The following LRRC51 variants were observed in gnomAD, a reference collection of about 807,000 sequenced individuals.
LRRC51 encodes leucine-rich repeat-containing protein 51.
A neutral mutation model predicts 17.8 loss-of-function variants in LRRC51; 8 were observed. The observed-to-expected ratio is 0.45, with a 90% confidence interval of 0.26 to 0.81. LRRC51 has a LOEUF of 0.81. Ranked by LOEUF, LRRC51 falls within the 30% of genes least tolerant of loss-of-function variation. The pLI, the probability that LRRC51 is intolerant of heterozygous loss-of-function variation, is 0.17. For missense variants in LRRC51, 233 were observed against 239.3 expected, an observed-to-expected ratio of 0.97 and a Z score of 0.17; for synonymous variants, 92 against 96.0, an observed-to-expected ratio of 0.96 and a Z score of 0.24.
At chr11:72,084,659 A>G (rs1001077058) in intron 1 of LRRC51, among the ~76,000 whole-genome samples, 1 of 152,034 alleles carries the variant, frequency 6.6e-6, no homozygotes, top group Admixed American at 6.6e-5. Context: ...CAACATGGCA[A>G]AACTGTGTCT....
Position 72,096,473 on chromosome 11 carries a change from G to A in LRRC51, c.*953G>A, listed in dbSNP as rs927025233. ...GGCTGGTCTCAAACTCCTGACCTCA[G>A]GTGATCTGCCCACCTCAGCCTCCCA... On this transcript the variant is annotated 3_prime_UTR_variant, in exon 6 of 6. Coordinates refer to ENST00000289488, the MANE Select transcript of LRRC51 (RefSeq NM_145309.6). 2.9e-5 allele frequency: 32 copies of A among 1,099,176 alleles called. No individual in the cohort carries two copies. Among genetic ancestry groups the A allele is most frequent in the Non-Finnish European group, 3.5e-5 (31 of 890,062 alleles). 68.1% of individuals were successfully genotyped at this position (1,099,176 alleles called of 1,614,324 possible).
rs886048627 is a variant in LRRC51 at position 72,093,512 on chromosome 11, G to A, written c.99G>A (p.Glu33=). 6.2e-6 allele frequency: 10 copies of A among 1,613,222 alleles called. No homozygotes were observed. The highest frequency in any genetic ancestry group is 1.7e-4 in the Middle Eastern group (1 of 5,980). ...IHVIQDLVNE[E]PRTGLRPLKR... Reference sequence around the variant, plus strand: ...TCCCCACAGATCTGGTAAATGAGGAGCCAAGGACAGGACTACGACCACTGA... The same window carrying A: ...TCCCCACAGATCTGGTAAATGAGGAACCAAGGACAGGACTACGACCACTGA... The change falls in exon 4 of 6, where the codon GAG becomes GAA. Residue 33 remains glutamate, a synonymous_variant. Coordinates refer to ENST00000289488, the MANE Select transcript of LRRC51 (RefSeq NM_145309.6).
chr11:72,092,044 G>C (rs1001279266), intron 3 of LRRC51, among the ~76,000 whole-genome samples: 8 of 152,106 alleles, frequency 5.3e-5, no homozygotes, highest in Non-Finnish European at 7.4e-5. Context: ...TTTACTCCCT[G>C]AACATCTTTA....
chr11:72,081,797 A>AT (rs535295667), intron 1 of LRRC51, among the ~76,000 whole-genome samples: 24 of 151,942 alleles, frequency 1.6e-4, no homozygotes, highest in African/African-American at 3.9e-4. Context: ...TTAGAGCTTC[A>AT]TTTTTTTTAG....
rs1268259928 is a variant in LRRC51 at position 72,095,633 on chromosome 11, T to G, written c.*113T>G. 4 of 1,547,680 alleles carry G rather than the reference T, an allele frequency of 2.6e-6. No individual in the cohort carries two copies. The highest frequency in any genetic ancestry group is 3.5e-6 in the Non-Finnish European group (4 of 1,145,516). On this transcript the variant is annotated 3_prime_UTR_variant, in exon 6 of 6. Transcript: ENST00000289488. ...AGTCACTTACACCTTGTAGAGATGT[T>G]CTCTAACTCAGGCAACTGCAAGTAG...
At chr11:72,092,414 A>G (rs1272955934) in intron 3 of LRRC51, among the ~76,000 whole-genome samples, 1 of 152,192 alleles carries the variant, frequency 6.6e-6, no homozygotes, top group Non-Finnish European at 1.5e-5. Flanking sequence ...AATTATGTTG[A>G]TTGTAGGGCC....
At chr11:72,091,136 T>C (rs914374468) in intron 3 of LRRC51, among the ~76,000 whole-genome samples, 15 of 152,196 alleles carry the variant, frequency 9.9e-5, no homozygotes, top group Non-Finnish European at 1.9e-4. Context: ...CCAGCCAGCA[T>C]CAAGTTTTAG....
intron 1 of LRRC51, among the ~76,000 whole-genome samples, chr11:72,084,931 G>C (rs1322539602): frequency 7.7e-6 from 1 of 129,862 alleles, no homozygotes; most frequent in African/African-American, 2.9e-5. Flanking sequence ...ATACATTCTA[G>C]GTTATATTCC....
chr11:72,080,936 T>G (rs761141933), intron 1 of LRRC51, 51 bp downstream of exon 1: 3 of 152,372 alleles, frequency 2.0e-5, no homozygotes, highest in Non-Finnish European at 4.4e-5. Flanking sequence ...AAGAGATCTA[T>G]GGAGAAGGGA....
At chr11:72,095,243 C>A in intron 5 of LRRC51, 136 bp from the exon 6 acceptor site, 3 of 1,571,392 alleles carry the variant, frequency 1.9e-6, no homozygotes, top group South Asian at 1.2e-5. Context: ...TGCTCTCAGT[C>A]AGGATAAACC....
intron 1 of LRRC51, among the ~76,000 whole-genome samples, chr11:72,082,796 G>A (rs1431217625): frequency 1.3e-5 from 2 of 151,872 alleles, no homozygotes; most frequent in African/African-American, 4.8e-5. Flanking sequence ...AGCCATATTT[G>A]CGCACTGCAA....
intron 1 of LRRC51, chr11:72,086,467 A>C: frequency 1.4e-6 from 1 of 702,330 alleles, no homozygotes; most frequent in Non-Finnish European, 2.6e-6. Context: ...TGTTAGAAAG[A>C]ACAGCTTAGC....
At chr11:72,084,905 T>A (rs1944447389) in intron 1 of LRRC51, among the ~76,000 whole-genome samples, 2 of 71,564 alleles carry the variant, frequency 2.8e-5, no homozygotes, top group African/African-American at 1.1e-4. Flanking sequence ...TGTGTGTGTG[T>A]AAAACCTTAT....
rs1012173309 is a variant in LRRC51, at chr11:72,094,982, A to G, written c.323A>G (p.Tyr108Cys). ...LTTFFNLSVL[Y>C]LHGNSIQRLG... Reference sequence around the variant, plus strand: ...ACTTTCTTCAACCTGAGTGTCCTCTATCTTCACGGCAACAGCATCCAGCGC... The same window carrying G: ...ACTTTCTTCAACCTGAGTGTCCTCTGTCTTCACGGCAACAGCATCCAGCGC... The change falls in exon 5 of 6, where the codon TAT becomes TGT. Residue 108 changes from tyrosine to cysteine, a missense_variant. By Grantham distance (194) the Tyr-to-Cys change is radical. Transcript: ENST00000289488. The G allele has an allele frequency of 2.5e-6, 4 of 1,613,902 alleles. No homozygotes were observed. The African/African-American group carries it at 4.0e-5, about 16-fold the overall frequency.
rs1048846287 is a variant in LRRC51, at chr11:72,088,316, C to T, written c.-120C>T. 64 of 701,214 alleles carry T rather than the reference C, an allele frequency of 9.1e-5. No individual in the cohort carries two copies. Among genetic ancestry groups the T allele is most frequent in the African/African-American group, 9.1e-4 (52 of 57,210 alleles). The allele number at this position is 701,214 out of a possible 1,614,324, so 43.4% of individuals were successfully genotyped here. ...TGTCAGGGAGTATTTCCATTTTAAC[C>T]GGAAACAATCCCTGAACCCACAGGA... On this transcript the variant is annotated 5_prime_UTR_variant, in exon 2 of 6. Transcript: ENST00000289488.
At chr11:72,081,651 A>G (rs1220809175) in intron 1 of LRRC51, among the ~76,000 whole-genome samples, 1 of 152,072 alleles carries the variant, frequency 6.6e-6, no homozygotes, top group Non-Finnish European at 1.5e-5. Flanking sequence ...CTAATTCTAG[A>G]GATGTAGGAA....
rs761424540 is a variant in LRRC51 at position 72,089,121 on chromosome 11, A to G, written c.38A>G (p.Glu13Gly). Residue 13 changes from glutamate (E) to glycine (G), a missense_variant, in exon 3 of 6, where the codon GAG (glutamate) becomes GGG (glycine). Physicochemically the swap from Glu to Gly is moderately conservative, Grantham distance 98. Transcript: ENST00000289488. ...GACTATATGAACACTTCGGTACAGG[A>G]GCCCCCTCTTGACTACTCCTTCAGA... ...KRDYMNTSVQ[E>G]PPLDYSFRSI... 8 of 1,614,004 alleles carry G rather than the reference A, an allele frequency of 5.0e-6. No individual in the cohort carries two copies. Among genetic ancestry groups the G allele is most frequent in the African/African-American group, 1.3e-5 (1 of 74,908 alleles).
chr11:72,088,523 C>A, intron 2 of LRRC51, 143 bp downstream of exon 2: 1 of 656,842 alleles, frequency 1.5e-6, no homozygotes, highest in South Asian at 1.7e-5. Context: ...GTGGCAAATC[C>A]CCAGCTGGGC....
chr11:72,092,711 G>A (rs1944932621), intron 3 of LRRC51, among the ~76,000 whole-genome samples: 2 of 152,206 alleles, frequency 1.3e-5, no homozygotes, highest in Non-Finnish European at 1.5e-5. Flanking sequence ...ACCCGCCCCA[G>A]ACTCCCTGGC....
Sources: gnomAD v4.1 joint callset for allele counts (sites outside exome capture counted in the v4.1 genomes callset) on GRCh38, gnomAD v4.1.1 for gene constraint, MANE v1.5 for transcripts, NCBI Gene and HGNC (gene_info 2026-07-23, HGNC 2026-07-21) for gene names.